RHOBTB2: variants seen among roughly 807,000 people sequenced by gnomAD.
The protein encoded by RHOBTB2 is Rho related BTB domain containing 2.
A neutral mutation model predicts 66.5 loss-of-function variants in RHOBTB2; 39 were observed. That is an observed-to-expected ratio of 0.59 (90% CI 0.45 to 0.77). The LOEUF (loss-of-function observed/expected upper bound fraction) is 0.77. Ranked by LOEUF, RHOBTB2 falls within the 30% of genes least tolerant of loss-of-function variation. The pLI is 0.00. For synonymous variants in RHOBTB2, 390 were observed against 395.0 expected, an observed-to-expected ratio of 0.99 and a Z score of 0.15; for missense variants, 755 against 999.1, an observed-to-expected ratio of 0.76 and a Z score of 3.29.
chr8:22,998,724 C>CAAAA (rs555614764), upstream of RHOBTB2, among the ~76,000 whole-genome samples: 428 of 81,118 alleles, frequency 5.3e-3, 14 homozygotes, highest in Non-Finnish European at 7.3e-3. Flanking sequence ...GAGGGAGACT[C>CAAAA]AAAAAAAAAA....
chr8:22,955,105 T>C, the RHOBTB2 span, among the ~76,000 whole-genome samples: 20 of 152,202 alleles, frequency 1.3e-4, no homozygotes, highest in Non-Finnish European at 1.5e-5. Context: ...CACTCCAGCC[T>C]GGGTGACAGA....
rs962156069 is a variant in RHOBTB2 at position 23,004,749 on chromosome 8, T to C, written c.192+123T>C. 2.2e-6 allele frequency: 2 copies of C among 927,776 alleles called. No homozygotes were observed. The highest frequency in any genetic ancestry group is 1.6e-5 in the South Asian group (1 of 64,208). The allele number at this position is 927,776 out of a possible 1,614,324, so 57.5% of individuals were successfully genotyped here. On this transcript the variant is annotated intron_variant, in intron 2 of 9. Transcript: ENST00000251822. The surrounding 1 kb of genome is among the most constrained non-coding windows in gnomAD (Gnocchi z 6.4). The stretch of plus-strand genomic sequence containing the variant: ...CCCTCTAGGGGTGGGACAGGATGGG[T>C]TGGGGGCAGCTGAAGAGGAAGGAGC...
At chr8:22,990,401 G>A (rs1354652221) in intron 1 of RHOBTB2, among the ~76,000 whole-genome samples, 1 of 152,206 alleles carries the variant, frequency 6.6e-6, no homozygotes, top group East Asian at 1.9e-4. Flanking sequence ...GCAGCCTGCA[G>A]GCAGGACATC....
At chr8:22,978,568 T>G in the RHOBTB2 span, among the ~76,000 whole-genome samples, 1 of 151,050 alleles carries the variant, frequency 6.6e-6, no homozygotes, top group African/African-American at 2.4e-5. Flanking sequence ...TCAGTATTTA[T>G]TGTACTTTTT....
intron 7 of RHOBTB2, among the ~76,000 whole-genome samples, chr8:23,012,757 T>A (rs1394804826): frequency 6.6e-6 from 1 of 152,200 alleles, no homozygotes; most frequent in Non-Finnish European, 1.5e-5. Context: ...TACCTTGGAC[T>A]ATGGGCCTGC....
intron 7 of RHOBTB2, among the ~76,000 whole-genome samples, chr8:23,011,251 C>A (rs1811138846): frequency 6.6e-6 from 1 of 152,146 alleles, no homozygotes; most frequent in Non-Finnish European, 1.5e-5. Flanking sequence ...GAAACTGTGT[C>A]TCAAAAACAA....
chr8:23,011,058 G>A (rs572386349), intron 7 of RHOBTB2, among the ~76,000 whole-genome samples: 7 of 152,150 alleles, frequency 4.6e-5, no homozygotes, highest in South Asian at 4.1e-4. Flanking sequence ...GGTCTTACCC[G>A]TCATGGCAAA....
intron 1 of RHOBTB2, among the ~76,000 whole-genome samples, chr8:22,991,429 T>C (rs886386028): frequency 5.3e-5 from 8 of 151,488 alleles, no homozygotes; most frequent in African/African-American, 1.7e-4. Flanking sequence ...GGAGGAGAAG[T>C]GAGGAGGAAA....
chr8:22,957,738 CTA>C, the RHOBTB2 span, among the ~76,000 whole-genome samples: 1 of 152,200 alleles, frequency 6.6e-6, no homozygotes, highest in East Asian at 1.9e-4. Flanking sequence ...ACCTTCTAAG[CTA>C]TATGTCTATG....
chr8:23,008,841 G>A (rs1811048563), intron 6 of RHOBTB2, among the ~76,000 whole-genome samples: 1 of 152,118 alleles, frequency 6.6e-6, no homozygotes, highest in Admixed American at 6.5e-5. Flanking sequence ...GGGGATTAGG[G>A]CAGGGGAACA....
intron 1 of RHOBTB2, among the ~76,000 whole-genome samples, chr8:22,989,733 T>C (rs1480376576): frequency 1.3e-5 from 2 of 152,214 alleles, no homozygotes; most frequent in Non-Finnish European, 2.9e-5. Flanking sequence ...AGCCGTGACT[T>C]TGCGTAGGCC....
Position 23,005,484 on chromosome 8 carries a change from GGCCTCTA to G in RHOBTB2, c.296+13_296+19del. On this transcript the variant is annotated intron_variant, in intron 3 of 9. Coordinates refer to ENST00000251822, the MANE Select transcript of RHOBTB2 (RefSeq NM_015178.3). ...CGCTTTGCTTATGGGAGGTAGGGAA[GGCCTCTA>G]GCCGCCTGCAGAGAACCAACAGGGT... The G allele has an allele frequency of 6.4e-7, 1 of 1,563,044 alleles. No homozygotes were observed. Among genetic ancestry groups the G allele is most frequent in the African/African-American group, 1.4e-5 (1 of 73,906 alleles).
the RHOBTB2 span, chr8:22,977,986 A>C: frequency 3.3e-5 from 5 of 152,084 alleles, no homozygotes; most frequent in African/African-American, 9.7e-5. Flanking sequence ...ACTAAGCTCC[A>C]CATCAATATG....
chr8:23,012,835 A>G (rs1811185559), intron 7 of RHOBTB2, among the ~76,000 whole-genome samples: 1 of 152,034 alleles, frequency 6.6e-6, no homozygotes, highest in Non-Finnish European at 1.5e-5. Flanking sequence ...ATAGAGTCTC[A>G]CTTGGTCTCT....
chr8:22,991,594 C>A (rs1810426641), intron 1 of RHOBTB2, among the ~76,000 whole-genome samples: 1 of 152,152 alleles, frequency 6.6e-6, no homozygotes, highest in Non-Finnish European at 1.5e-5. Context: ...TCATCCAGGC[C>A]AATGACCTGT....
chr8:22,972,239 C>T, the RHOBTB2 span, among the ~76,000 whole-genome samples: 2 of 152,242 alleles, frequency 1.3e-5, no homozygotes, highest in South Asian at 4.1e-4. Flanking sequence ...CATGTAGGGG[C>T]TCATGAAAAA....
chr8:22,968,922 A>G, the RHOBTB2 span, among the ~76,000 whole-genome samples: 1 of 152,108 alleles, frequency 6.6e-6, no homozygotes, highest in East Asian at 1.9e-4. Flanking sequence ...CTAAACAAAA[A>G]ATGGATCTTT....
At chr8:22,999,497 C>T, upstream of RHOBTB2, 7 of 1,004,676 alleles carry the variant, frequency 7.0e-6, no homozygotes, top group South Asian at 2.3e-5. Context: ...CCCCCGCCCG[C>T]CCCCTCCCCG....
upstream of RHOBTB2, among the ~76,000 whole-genome samples, chr8:22,995,324 C>T (rs1389878667): frequency 6.6e-6 from 1 of 152,176 alleles, no homozygotes; most frequent in African/African-American, 2.4e-5. Context: ...ACGAAAGCTC[C>T]CCTGCCGGTC....
Sources: allele counts gnomAD v4.1 joint callset (sites outside exome capture counted in the v4.1 genomes callset), GRCh38; gene constraint gnomAD v4.1.1; non-coding constraint Gnocchi (gnomAD v3.1); transcripts MANE v1.5; gene names NCBI Gene and HGNC (gene_info 2026-07-23, HGNC 2026-07-21).